The following NCF2 variants were observed in gnomAD, a reference collection of about 807,000 sequenced individuals.
The protein encoded by NCF2 is neutrophil cytosolic factor 2.
In NCF2, 45 loss-of-function variants were observed where a neutral mutation model predicts 70.9. The observed-to-expected ratio is 0.63, with a 90% CI of 0.50 to 0.81. The LOEUF is 0.81. Ranked by LOEUF, NCF2 falls within the 40% of genes least tolerant of loss-of-function variation. The pLI, the probability that NCF2 is intolerant of heterozygous loss-of-function variation, is 0.00. For synonymous variants in NCF2, 203 were observed against 233.6 expected, an observed-to-expected ratio of 0.87 and a Z score of 1.19; for missense variants, 522 against 631.6, an observed-to-expected ratio of 0.83 and a Z score of 1.86.
chr1:183,591,360 T>G (rs1673635522), upstream of NCF2, among the ~76,000 whole-genome samples: 1 of 152,256 alleles, frequency 6.6e-6, no homozygotes, highest in Non-Finnish European at 1.5e-5. Context: ...CCTTGCTCAC[T>G]TTTTTGTAAT....
At chr1:183,557,468 T>G (rs1671841658) in intron 14 of NCF2, among the ~76,000 whole-genome samples, 1 of 152,200 alleles carries the variant, frequency 6.6e-6, no homozygotes, top group Admixed American at 6.5e-5. Flanking sequence ...AGAGTCAGAA[T>G]CCATTTAGGA....
upstream of NCF2, among the ~76,000 whole-genome samples, chr1:183,593,018 G>A (rs1468107681): frequency 2.0e-5 from 3 of 152,118 alleles, no homozygotes; most frequent in Non-Finnish European, 2.9e-5. Flanking sequence ...CCTGAAATCA[G>A]TCCTGCCTGA....
chr1:183,569,071 C>T, intron 7 of NCF2, 71 bp downstream of exon 7: 1 of 1,437,416 alleles, frequency 7.0e-7, no homozygotes, highest in Non-Finnish European at 9.8e-7. Context: ...TCATCTTCTT[C>T]CCTCCCTTTC....
chr1:183,600,324 T>A, the NCF2 span, among the ~76,000 whole-genome samples: 3 of 152,224 alleles, frequency 2.0e-5, no homozygotes, highest in Non-Finnish European at 2.9e-5. Flanking sequence ...AAACAGCTAA[T>A]GCAATCTTAG....
At chr1:183,566,801 G>C in intron 9 of NCF2, 119 bp downstream of exon 9, 1 of 1,307,490 alleles carries the variant, frequency 7.6e-7, no homozygotes, top group Non-Finnish European at 1.1e-6. Flanking sequence ...GCGGGCTCAA[G>C]ACTAGTGAAT....
intron 11 of NCF2, 103 bp from the exon 12 acceptor site, chr1:183,563,688 C>T (rs1324175443): frequency 2.1e-6 from 3 of 1,435,414 alleles, no homozygotes; most frequent in Non-Finnish European, 2.9e-6. Context: ...GTACCCAATA[C>T]AGCAGGGGAG....
At chr1:183,588,199 A>G (rs1328777527) in intron 1 of NCF2, among the ~76,000 whole-genome samples, 2 of 152,244 alleles carry the variant, frequency 1.3e-5, no homozygotes, top group African/African-American at 4.8e-5. Context: ...GTCAAACTTA[A>G]AGATACAATT....
intron 2 of NCF2, among the ~76,000 whole-genome samples, chr1:183,581,522 TCTCA>T (rs2102921744): frequency 6.6e-6 from 1 of 151,378 alleles, no homozygotes; most frequent in Non-Finnish European, 1.5e-5. Context: ...GAGACGGGGG[TCTCA>T]CTATGTTGCT....
chr1:183,560,253 A>G lies in NCF2; in HGVS notation c.1311T>C (p.Asp437=). The change falls in exon 14 of 15, where the codon GAT becomes GAC. Residue 437 remains aspartate, a synonymous_variant. Transcript: ENST00000367535. ...ENTVGDQGFP[D]EPKESEKADA... ...CAGCTTTTTCACTTTCCTTGGGTTC[A>G]TCTGGAAAGCCTTGGTCACCCTGAA... The G allele has an allele frequency of 6.2e-7, 1 of 1,614,134 alleles. No homozygotes were observed. Among genetic ancestry groups the G allele is most frequent in the South Asian group, 1.1e-5 (1 of 91,082 alleles).
chr1:183,588,835 T>G (rs1017284202), intron 1 of NCF2, among the ~76,000 whole-genome samples: 1 of 151,964 alleles, frequency 6.6e-6, no homozygotes, highest in Non-Finnish European at 1.5e-5. Context: ...GAGAAGTGAG[T>G]GGTGGCCCAC....
intron 2 of NCF2, among the ~76,000 whole-genome samples, chr1:183,584,632 A>G (rs879425378): frequency 2.0e-5 from 3 of 152,138 alleles, no homozygotes; most frequent in Admixed American, 6.5e-5. Flanking sequence ...TTTATAGACT[A>G]TTAGAGGTCA....
At chr1:183,591,505 G>A (rs866978405), upstream of NCF2, among the ~76,000 whole-genome samples, 8 of 143,964 alleles carry the variant, frequency 5.6e-5, no homozygotes, top group East Asian at 2.0e-4. Flanking sequence ...TTTTTGAGAC[G>A]GAGTTTCACT....
At chr1:183,581,910 G>A (rs12046252) in intron 2 of NCF2, among the ~76,000 whole-genome samples, 18,915 of 152,032 alleles carry the variant, frequency 0.12, 1,705 homozygotes, top group East Asian at 0.25. Flanking sequence ...CTCGTGATCC[G>A]CCCGCCTCGG....
the NCF2 span, among the ~76,000 whole-genome samples, chr1:183,596,511 C>A: frequency 6.6e-6 from 1 of 152,032 alleles, no homozygotes; most frequent in African/African-American, 2.4e-5. Flanking sequence ...CAGTGGCTCA[C>A]ACCTATAATC....
At chr1:183,574,148 G>C (rs1279436903) in intron 4 of NCF2, among the ~76,000 whole-genome samples, 4 of 152,212 alleles carry the variant, frequency 2.6e-5, no homozygotes, top group Non-Finnish European at 5.9e-5. Flanking sequence ...GTGCCAGGCT[G>C]TGAGGACTCA....
intron 9 of NCF2, 47 bp downstream of exon 9, chr1:183,566,873 T>C: frequency 1.2e-6 from 2 of 1,607,552 alleles, no homozygotes; most frequent in Non-Finnish European, 1.7e-6. Flanking sequence ...CAGGGAGAGA[T>C]CCCTAAAGGG....
At position 183,565,599 on chromosome 1, in the gene NCF2, GAGA is replaced by G. The variant is rs1187238232; in HGVS notation, c.1000+102_1000+104del. The G allele has an allele frequency of 3.6e-5, 41 of 1,148,184 alleles. No individual in the cohort carries two copies. The East Asian group carries it at 9.2e-4, about 26-fold the overall frequency. 71.1% of individuals were successfully genotyped at this position (1,148,184 alleles called of 1,614,324 possible). On this transcript the variant is annotated intron_variant, in intron 10 of 14. Coordinates refer to ENST00000367535, the MANE Select transcript of NCF2 (RefSeq NM_000433.4). Reference sequence around the variant, plus strand: ...GGTCATTAGCTGAGTGACATGTTGGGAGAAGAAGAAACCAGAATTTCCTGGAAG... The same window carrying G: ...GGTCATTAGCTGAGTGACATGTTGGGAGAAGAAACCAGAATTTCCTGGAAG...
chr1:183,560,270 C>G lies in NCF2; in HGVS notation c.1294G>C (p.Asp432His), dbSNP rs774068321. The G allele has an allele frequency of 6.2e-7, 1 of 1,614,122 alleles. No homozygotes were observed. Among genetic ancestry groups the G allele is most frequent in the South Asian group, 1.1e-5 (1 of 91,060 alleles). The change falls in exon 14 of 15, where the codon GAC (aspartate) becomes CAC (histidine). Residue 432 changes from aspartate to histidine, a missense_variant. Physicochemically the swap from Asp to His is moderately conservative, Grantham distance 81. Coordinates refer to ENST00000367535, the MANE Select transcript of NCF2 (RefSeq NM_000433.4). Reference protein sequence around the residue: ...LTLWCENTVGDQGFPDEPKES... With the variant: ...LTLWCENTVGHQGFPDEPKES... The stretch of plus-strand genomic sequence containing the variant: ...TTGGGTTCATCTGGAAAGCCTTGGT[C>G]ACCCTGAAATAATAAAGGGCCTGTT...
intron 3 of NCF2, among the ~76,000 whole-genome samples, chr1:183,575,465 G>A (rs1048335106): frequency 3.3e-5 from 5 of 152,312 alleles, no homozygotes; most frequent in African/African-American, 7.2e-5. Context: ...AAATGCAACA[G>A]TGTCATACTT....
Sources: gnomAD v4.1 joint callset for allele counts (sites outside exome capture counted in the v4.1 genomes callset) on GRCh38, gnomAD v4.1.1 for gene constraint, MANE v1.5 for transcripts, NCBI Gene and HGNC (gene_info 2026-07-23, HGNC 2026-07-21) for gene names.